Variants in PRPF18 observed in about 807,000 individuals in gnomAD.
PRPF18 encodes the protein pre-mRNA processing factor 18.
PRPF18 carries 38 observed loss-of-function variants against 46.5 expected under a neutral mutation model. The ratio of observed to expected loss-of-function variants is 0.82; its 90% confidence interval spans 0.63 to 1.07. The LOEUF (loss-of-function observed/expected upper bound fraction) is 1.07. PRPF18 is among the 50% of genes least tolerant of loss of function. PRPF18 has a pLI of 0.00. For synonymous variants in PRPF18, 152 were observed against 146.7 expected (o/e 1.04, Z -0.26); for missense variants, 263 against 410.0 (o/e 0.64, Z 3.10).
chr10:13,646,054 C>T, the PRPF18 span: 1 of 152,442 alleles, frequency 6.6e-6, no homozygotes, highest in African/African-American at 2.4e-5. Flanking sequence ...CCCTCTACGA[C>T]TCCCACAGGT....
At chr10:13,587,555 A>G (rs1288687700) in intron 1 of PRPF18, among the ~76,000 whole-genome samples, 1 of 152,232 alleles carries the variant, frequency 6.6e-6, no homozygotes, top group Non-Finnish European at 1.5e-5. Context: ...ACCACCTCTC[A>G]GATGGGAAGG....
intron 9 of PRPF18, among the ~76,000 whole-genome samples, chr10:13,625,889 T>C (rs140426524): frequency 4.6e-5 from 7 of 152,350 alleles, no homozygotes; most frequent in African/African-American, 1.7e-4. Context: ...AGGGTAAATA[T>C]AGGCTAATGA....
At chr10:13,616,639 A>T in intron 9 of PRPF18, 86 bp downstream of exon 9, 1 of 1,513,752 alleles carries the variant, frequency 6.6e-7, no homozygotes, top group Non-Finnish European at 9.1e-7. Flanking sequence ...CAGGCAGAGA[A>T]TTACAGCAAA....
At chr10:13,600,455 C>A in intron 3 of PRPF18, 107 bp downstream of exon 3, 1 of 788,802 alleles carries the variant, frequency 1.3e-6, no homozygotes, top group Non-Finnish European at 1.9e-6. Context: ...CGTAAAATGA[C>A]TTATCTAAAA....
downstream of PRPF18, among the ~76,000 whole-genome samples, chr10:13,634,575 T>C (rs748197806): frequency 1.3e-5 from 2 of 152,236 alleles, no homozygotes; most frequent in African/African-American, 2.4e-5. Flanking sequence ...CCATGAGCGT[T>C]GCAGTCTGTG....
At chr10:13,611,712 T>A in intron 6 of PRPF18, 29 bp downstream of exon 6, 1 of 1,589,998 alleles carries the variant, frequency 6.3e-7, no homozygotes, top group South Asian at 1.1e-5. Context: ...GGGATGAGGA[T>A]GCCTTGGATC....
intron 1 of PRPF18, among the ~76,000 whole-genome samples, chr10:13,588,576 TAA>T (rs771376532): frequency 0.013 from 1,682 of 127,146 alleles, 33 homozygotes; most frequent in African/African-American, 0.045. Context: ...TCCCTGTCTC[TAA>T]AAAAAAAAAA....
chr10:13,598,642 A>AT (rs1324907846), intron 2 of PRPF18, among the ~76,000 whole-genome samples: 1 of 152,140 alleles, frequency 6.6e-6, no homozygotes, highest in East Asian at 1.9e-4. Context: ...TTGTATTTTG[A>AT]TTTTTTCCAT....
chr10:13,609,863 T>G (rs1414500226), intron 4 of PRPF18, among the ~76,000 whole-genome samples, 176 bp from the exon 5 acceptor site: 1 of 152,242 alleles, frequency 6.6e-6, no homozygotes, highest in Non-Finnish European at 1.5e-5. Flanking sequence ...AGAATTAACT[T>G]TAAATGGACA....
At chr10:13,619,150 C>A (rs2080388874) in intron 9 of PRPF18, among the ~76,000 whole-genome samples, 1 of 152,192 alleles carries the variant, frequency 6.6e-6, no homozygotes, top group African/African-American at 2.4e-5. Context: ...AATTCTCTTG[C>A]CCTCTGCTCA....
chr10:13,597,491 G>A lies in PRPF18; in HGVS notation c.100G>A (p.Ala34Thr), dbSNP rs756574234. ...AAAATATTTCAAGCGTAGTGAGCTC[G>A]CCAAAAAAGAAGAGGAAGCATATTT... ...NKKYFKRSEL[A>T]KKEEEAYFER... The change falls in exon 2 of 10, where the codon GCC becomes ACC. Residue 34 changes from alanine to threonine, a missense_variant. By Grantham distance (58) the Ala-to-Thr change is moderately conservative. Transcript: ENST00000378572. 11 of 1,608,576 alleles carry A rather than the reference G, an allele frequency of 6.8e-6. No homozygotes were observed. The highest frequency in any genetic ancestry group is 1.7e-5 in the Admixed American group (1 of 59,424).
chr10:13,602,160 A>G (rs988626547), intron 3 of PRPF18, among the ~76,000 whole-genome samples: 5 of 152,210 alleles, frequency 3.3e-5, no homozygotes, highest in African/African-American at 1.2e-4. Flanking sequence ...GCCTTTGCCA[A>G]TCTGAAAGCA....
intron 3 of PRPF18, among the ~76,000 whole-genome samples, chr10:13,602,225 A>C (rs2080122481): frequency 6.6e-6 from 1 of 152,210 alleles, no homozygotes. Flanking sequence ...ATCTTGTGTT[A>C]ATGTGAAACT....
At chr10:13,591,457 G>C in intron 1 of PRPF18, 1 of 597,370 alleles carries the variant, frequency 1.7e-6, no homozygotes, top group South Asian at 2.1e-5. Context: ...CTTAAGAAAT[G>C]TAGAACACCA....
At chr10:13,624,051 C>G (rs2080461121) in intron 9 of PRPF18, among the ~76,000 whole-genome samples, 1 of 152,208 alleles carries the variant, frequency 6.6e-6, no homozygotes, top group Non-Finnish European at 1.5e-5. Context: ...GTGGCATGAT[C>G]TTGGCTCACT....
At chr10:13,629,946 A>C (rs1021416343) in intron 9 of PRPF18, among the ~76,000 whole-genome samples, 7 of 152,210 alleles carry the variant, frequency 4.6e-5, no homozygotes, top group African/African-American at 1.7e-4. Flanking sequence ...AGCTAGAGTT[A>C]ATTCATTTTT....
intron 5 of PRPF18, among the ~76,000 whole-genome samples, 158 bp downstream of exon 5, chr10:13,610,343 C>T (rs1167602851): frequency 4.6e-5 from 7 of 152,014 alleles, no homozygotes; most frequent in African/African-American, 7.3e-5. Flanking sequence ...CCCTTTTTCT[C>T]ATCCTCCACT....
chr10:13,594,522 T>C (rs912566855), intron 1 of PRPF18, among the ~76,000 whole-genome samples: 2 of 152,268 alleles, frequency 1.3e-5, no homozygotes, highest in African/African-American at 4.8e-5. Context: ...TGTTCTATTT[T>C]GCTCTTTGAA....
At chr10:13,632,233 C>G (rs1286700973), downstream of PRPF18, among the ~76,000 whole-genome samples, 1 of 151,906 alleles carries the variant, frequency 6.6e-6, no homozygotes, top group Non-Finnish European at 1.5e-5. Context: ...CCCAGCTACT[C>G]GGGAGGCTGA....
Sources: gnomAD v4.1 joint callset for allele counts (sites outside exome capture counted in the v4.1 genomes callset) on GRCh38, gnomAD v4.1.1 for gene constraint, MANE v1.5 for transcripts, NCBI Gene and HGNC (gene_info 2026-07-23, HGNC 2026-07-21) for gene names.